Variants in CACNA2D4 observed in about 807,000 individuals in gnomAD.
CACNA2D4 encodes calcium voltage-gated channel auxiliary subunit alpha2delta 4, also known as voltage-dependent calcium channel subunit alpha-2/delta-4.
In CACNA2D4, 157 loss-of-function variants were observed where a neutral mutation model predicts 163.8. That is an observed-to-expected ratio of 0.96 (90% CI 0.84 to 1.09). The LOEUF (loss-of-function observed/expected upper bound fraction) is 1.09. Ranked by LOEUF, CACNA2D4 falls within the 50% of genes least tolerant of loss-of-function variation. CACNA2D4 has a pLI of 0.00. For synonymous variants in CACNA2D4, 598 were observed against 586.9 expected (o/e 1.02, Z -0.27); for missense variants, 1,410 against 1,479.9 (o/e 0.95, Z 0.78).
chr12:1,897,701 G>T (rs1219806906), intron 6 of CACNA2D4, among the ~76,000 whole-genome samples: 1 of 152,188 alleles, frequency 6.6e-6, no homozygotes, highest in Non-Finnish European at 1.5e-5. Context: ...AGAGGAAAAA[G>T]TATATATCAG....
intron 6 of CACNA2D4, among the ~76,000 whole-genome samples, chr12:1,899,613 T>C (rs1465790462): frequency 6.6e-6 from 1 of 152,120 alleles, no homozygotes; most frequent in Non-Finnish European, 1.5e-5. Context: ...GCATTACAAG[T>C]GATCAATAAA....
Position 1,834,601 on chromosome 12 carries a change from T to C in CACNA2D4, c.2551+6138A>G. 1 of 1,600,196 alleles carries C rather than the reference T, an allele frequency of 6.2e-7. No homozygotes were observed. The highest frequency in any genetic ancestry group is 1.7e-5 in the Admixed American group (1 of 60,014). On this transcript the variant is annotated intron_variant, in intron 26 of 37. Coordinates refer to ENST00000382722, the MANE Select transcript of CACNA2D4 (RefSeq NM_172364.5). The surrounding 1 kb of genome is among the most constrained non-coding windows in gnomAD (Gnocchi z 7.6). ...TCATGATGGTGGTGGCCGCTGCCTA[T>C]GGCTGCATCTACGCCTCCCTCATGG...
At chr12:1,900,990 CAT>C (rs778642514) in intron 6 of CACNA2D4, among the ~76,000 whole-genome samples, 37 of 152,166 alleles carry the variant, frequency 2.4e-4, no homozygotes, top group Middle Eastern at 6.8e-3. Context: ...ATTGAAATAA[CAT>C]AAAGTATTTT....
intron 6 of CACNA2D4, among the ~76,000 whole-genome samples, chr12:1,905,110 A>G (rs967415551): frequency 6.6e-6 from 1 of 152,122 alleles, no homozygotes; most frequent in African/African-American, 2.4e-5. Context: ...AATGAAGGGA[A>G]AAAATTCCAT....
rs74725712 is a variant in CACNA2D4, at chr12:1,883,868, C to T, written c.1351+375G>A. Among the ~76,000 whole-genome samples, 7,126 of 152,238 alleles carry T rather than the reference C, an allele frequency of 0.047. 429 individuals carry two copies. Among genetic ancestry groups the T allele is most frequent in the African/African-American group, 0.14 (5,658 of 41,512 alleles). On this transcript the variant is annotated intron_variant, in intron 12 of 37. Transcript: ENST00000382722. The surrounding 1 kb of genome is among the most constrained non-coding windows in gnomAD (Gnocchi z 4.5). ...GGTCCCCTGGTGCCTGGAAATGGGG[C>T]CAGGTGCATAGTGGATGCTCAGTGA...
In CACNA2D4 at chr12:1,798,356, G is replaced by A. The variant is rs1292466983; in HGVS notation, c.2996-821C>T. ...ATAGACCTAGAGGCAGGGAGCACAG[G>A]TGTGAGCTACCTTCCCAGGCTCATG... is the stretch of plus-strand genomic sequence containing the variant. On this transcript the variant is annotated intron_variant, in intron 34 of 37. Transcript: ENST00000382722. The surrounding 1 kb of genome is among the most constrained non-coding windows in gnomAD (Gnocchi z 4.3). 1.3e-5 allele frequency among the ~76,000 whole-genome samples: 2 copies of A among 152,152 alleles called. No individual in the cohort carries two copies. Among genetic ancestry groups the A allele is most frequent in the African/African-American group, 4.8e-5 (2 of 41,436 alleles).
In CACNA2D4 at chr12:1,878,406, T is replaced by C; in HGVS notation, c.1645-17A>G. The stretch of plus-strand genomic sequence containing the variant: ...CACTCCAAGCTGCCAGAGTCCAGGG[T>C]GGAGGCGCATTAGGCCTGCTGTTTG... On this transcript the variant is annotated splice_polypyrimidine_tract_variant and intron_variant, in intron 15 of 37. Transcript: ENST00000382722. The surrounding 1 kb of genome is among the most constrained non-coding windows in gnomAD (Gnocchi z 4.6). 3 of 1,588,018 alleles carry C rather than the reference T, an allele frequency of 1.9e-6. No homozygotes were observed. Among genetic ancestry groups the C allele is most frequent in the Middle Eastern group, 1.7e-4 (1 of 6,038 alleles).
rs146626719 is a variant in CACNA2D4, at chr12:1,843,333, G to T, written c.2470+1069C>A. ...CTCCAGGACATTTTTCCATCACGAC[G>T]CTTGAGGATGGTTTGGCAAAGTGGT... is the stretch of plus-strand genomic sequence containing the variant. On this transcript the variant is annotated intron_variant, in intron 25 of 37. Transcript: ENST00000382722. The surrounding 1 kb of genome is among the most constrained non-coding windows in gnomAD (Gnocchi z 4.6). Among the ~76,000 whole-genome samples the T allele has an allele frequency of 6.6e-6, 1 of 152,160 alleles. No individual in the cohort carries two copies. The highest frequency in any genetic ancestry group is 1.9e-4 in the East Asian group (1 of 5,182).
intron 26 of CACNA2D4, 69 bp downstream of exon 26, chr12:1,840,670 G>A: frequency 3.7e-6 from 5 of 1,336,366 alleles, no homozygotes; most frequent in Non-Finnish European, 5.4e-6. Context: ...GCCTTCTGCT[G>A]TGATCTATGC....
At position 1,844,293 on chromosome 12, in the gene CACNA2D4, A is replaced by G; in HGVS notation, c.2470+109T>C. 2 of 1,333,812 alleles carry G rather than the reference A, an allele frequency of 1.5e-6. No homozygotes were observed. Among genetic ancestry groups the G allele is most frequent in the Non-Finnish European group, 2.1e-6 (2 of 973,926 alleles). The allele number at this position is 1,333,812 out of a possible 1,614,324, so 82.6% of individuals were successfully genotyped here. On this transcript the variant is annotated intron_variant, in intron 25 of 37. Transcript: ENST00000382722. This position sits in a 1 kb window ranked among gnomAD's most constrained non-coding sequence, Gnocchi z 4.2. ...CAGGAGGGGAACCCTGGTGGTCTGG[A>G]CATTCTATTCCATATCTCGTTCCCA...
In CACNA2D4 at chr12:1,858,594, T is replaced by C. The variant is rs1241770165; in HGVS notation, c.1991A>G (p.Asn664Ser). ...RGHGEYILLG[N>S]TSVEEGLHDL... Reference sequence around the variant, plus strand: ...CGACCCACCTTCTTCCACAGACGTGTTCCCCAGAAGGATGTATTCTCCGTG... The same window carrying C: ...CGACCCACCTTCTTCCACAGACGTGCTCCCCAGAAGGATGTATTCTCCGTG... Residue 664 changes from asparagine (N) to serine (S), a missense_variant, in exon 20 of 38, where the codon AAC becomes AGC. Asn to Ser is a conservative substitution (Grantham distance 46). Transcript: ENST00000382722. The C allele has an allele frequency of 6.2e-7, 1 of 1,613,506 alleles. No individual in the cohort carries two copies. Among genetic ancestry groups the C allele is most frequent in the Non-Finnish European group, 8.5e-7 (1 of 1,179,624 alleles).
intron 26 of CACNA2D4, chr12:1,830,930 C>A: frequency 6.3e-7 from 1 of 1,590,854 alleles, no homozygotes; most frequent in Non-Finnish European, 8.6e-7. Context: ...GTCCCTCCCA[C>A]CAAGGGATCA....
At chr12:1,876,747 A>C (rs1050428949) in intron 16 of CACNA2D4, among the ~76,000 whole-genome samples, 1 of 152,072 alleles carries the variant, frequency 6.6e-6, no homozygotes. Context: ...GACCATACTC[A>C]TCAAACAGCC....
At chr12:1,904,053 C>G (rs2429157) in intron 6 of CACNA2D4, among the ~76,000 whole-genome samples, 115,133 of 151,974 alleles carry the variant, frequency 0.76, 43,747 homozygotes, top group East Asian at 0.88. Context: ...TAAAGAGAAT[C>G]AGATTCTGTC....
Position 1,793,760 on chromosome 12 carries a change from C to G in CACNA2D4, c.3310-1G>C. On this transcript the variant is annotated splice_acceptor_variant, in intron 37 of 37. Transcript: ENST00000382722. LOFTEE classifies it high-confidence loss of function. ...CGCCGCCGCAGTCCTGGGCATTCTC[C>G]TGCGAACGCAGAGCAGAGGTGACAG... 2 of 1,612,556 alleles carry G rather than the reference C, an allele frequency of 1.2e-6. No homozygotes were observed. The highest frequency in any genetic ancestry group is 2.7e-5 in the African/African-American group (2 of 75,034).
intron 18 of CACNA2D4, among the ~76,000 whole-genome samples, chr12:1,867,277 A>G (rs1865671832): frequency 6.6e-6 from 1 of 152,056 alleles, no homozygotes; most frequent in South Asian, 2.1e-4. Flanking sequence ...AGTTTTTCAA[A>G]TATGCTTTTT....
At chr12:1,892,454 A>T (rs1251054370) in intron 6 of CACNA2D4, among the ~76,000 whole-genome samples, 2 of 152,226 alleles carry the variant, frequency 1.3e-5, no homozygotes, top group Non-Finnish European at 2.9e-5. Flanking sequence ...CCATGATGAA[A>T]ACACATGAAA....
intron 2 of CACNA2D4, among the ~76,000 whole-genome samples, chr12:1,913,762 G>A (rs982345844): frequency 4.6e-5 from 7 of 152,226 alleles, no homozygotes; most frequent in Non-Finnish European, 1.0e-4. Flanking sequence ...CTCACTGACT[G>A]TGTATTGTGA....
chr12:1,886,418 G>A (rs201804872), intron 7 of CACNA2D4, 45 bp from the exon 8 acceptor site: 15 of 1,584,630 alleles, frequency 9.5e-6, no homozygotes, highest in Admixed American at 8.5e-5. Flanking sequence ...AACCAAAGCC[G>A]GAACCAATAC....
Sources: allele counts gnomAD v4.1 joint callset (sites outside exome capture counted in the v4.1 genomes callset), GRCh38; gene constraint gnomAD v4.1.1; non-coding constraint Gnocchi (gnomAD v3.1); transcripts MANE v1.5; gene names NCBI Gene and HGNC (gene_info 2026-07-23, HGNC 2026-07-21).